Variants in RASSF10 observed in about 807,000 individuals in gnomAD.
The protein encoded by RASSF10 is ras association domain-containing protein 10.
Under a neutral mutation model 41.5 loss-of-function variants are expected in RASSF10, and 22 were observed. That is an observed-to-expected ratio of 0.53 (90% CI 0.38 to 0.76). The LOEUF is 0.76. Ranked by LOEUF, RASSF10 falls within the 30% of genes least tolerant of loss-of-function variation. The pLI is 0.00. For missense variants in RASSF10, 776 were observed against 711.8 expected, an observed-to-expected ratio of 1.09 and a Z score of -1.03; for synonymous variants, 364 against 319.0, an observed-to-expected ratio of 1.14 and a Z score of -1.50.
Position 13,010,820 on chromosome 11 carries a change from T to G in RASSF10, c.1244T>G (p.Leu415Trp). The change falls in exon 1 of 1, where the codon TTG becomes TGG. Residue 415 changes from leucine to tryptophan, a missense_variant. Leu to Trp is a moderately conservative substitution (Grantham distance 61, BLOSUM62 -2). Transcript: ENST00000529419. This position sits in a 1 kb window ranked among gnomAD's most constrained non-coding sequence, Gnocchi z 4.8. ...GACCTAGAGGCCGTCAAGTCGGACTTGGATTACAGCCAGCAGCAATGGGAC... is the reference window on the plus strand; with the variant it reads ...GACCTAGAGGCCGTCAAGTCGGACTGGGATTACAGCCAGCAGCAATGGGAC... The part of the protein sequence containing the change: ...NTDLEAVKSD[L>W]DYSQQQWDSK... The G allele has an allele frequency of 6.2e-7, 1 of 1,613,794 alleles. No homozygotes were observed. The highest frequency in any genetic ancestry group is 8.5e-7 in the Non-Finnish European group (1 of 1,179,824).
In RASSF10 at chr11:13,009,832, G is replaced by A. The variant is rs763731957; in HGVS notation, c.256G>A (p.Gly86Arg). 1.2e-6 allele frequency: 2 copies of A among 1,606,676 alleles called. No individual in the cohort carries two copies. Among genetic ancestry groups the A allele is most frequent in the Non-Finnish European group, 1.7e-6 (2 of 1,177,458 alleles). ...GGCGCTGCCGCAGGGCATGCTGTGCGGGCCCCCGCAGTGCTATTGCATCGT... is the reference window on the plus strand; with the variant it reads ...GGCGCTGCCGCAGGGCATGCTGTGCAGGCCCCCGCAGTGCTATTGCATCGT... ...DEALPQGMLCGPPQCYCIVEK... is the reference protein window; with the variant it reads ...DEALPQGMLCRPPQCYCIVEK... The change falls in exon 1 of 1, where the codon GGG (glycine) becomes AGG (arginine). Residue 86 changes from glycine (G) to arginine (R), a missense_variant. Gly to Arg is a moderately radical substitution (Grantham distance 125, BLOSUM62 -2). Transcript: ENST00000529419.
At position 13,009,367 on chromosome 11, in the gene RASSF10, G is replaced by A. The variant is rs1427128278; in HGVS notation, c.-210G>A. On this transcript the variant is annotated 5_prime_UTR_variant, in exon 1 of 1. Transcript: ENST00000529419. ...TGGGCGCGTTGCCCCGGGAGCGCCC[G>A]TCGTCCGGGCAGAGCGCAGCCGCAA... 2 of 1,206,664 alleles carry A rather than the reference G, an allele frequency of 1.7e-6. No individual in the cohort carries two copies. Among genetic ancestry groups the A allele is most frequent in the African/African-American group, 1.5e-5 (1 of 65,466 alleles). 74.7% of individuals were successfully genotyped at this position (1,206,664 alleles called of 1,614,324 possible). A position where few individuals can be genotyped will look rare whatever the true frequency, so the allele number is the denominator to read the frequency against.
In RASSF10 at chr11:13,009,857, T is replaced by G; in HGVS notation, c.281T>G (p.Val94Gly). 6.2e-7 allele frequency: 1 copy of G among 1,606,436 alleles called. No individual in the cohort carries two copies. The highest frequency in any genetic ancestry group is 8.5e-7 in the Non-Finnish European group (1 of 1,177,218). ...GGGCCCCCGCAGTGCTATTGCATCG[T>G]GGAGAAGTGGCGCGGCTTTGAGCGC... ...LCGPPQCYCI[V>G]EKWRGFERIL... is the part of the protein sequence containing the mutation. The change falls in exon 1 of 1, where the codon GTG becomes GGG. Residue 94 changes from valine (V) to glycine (G), a missense_variant. Coordinates refer to ENST00000529419, the MANE Select transcript of RASSF10 (RefSeq NM_001080521.3).
At position 13,010,692 on chromosome 11, in the gene RASSF10, C is replaced by G; in HGVS notation, c.1116C>G (p.Pro372=). ...AGGAGCTGGCGGCGCGGGAGGAGCC[C>G]CTGGAGCCCGACGGTGGCCCCGACG... is the stretch of plus-strand genomic sequence containing the variant. ...RQEELAAREE[P]LEPDGGPDGE... The change falls in exon 1 of 1, where the codon CCC becomes CCG. Residue 372 remains proline, a synonymous_variant. Transcript: ENST00000529419. The surrounding 1 kb of genome is among the most constrained non-coding windows in gnomAD (Gnocchi z 4.8). 1 of 1,591,802 alleles carries G rather than the reference C, an allele frequency of 6.3e-7. No homozygotes were observed. Among genetic ancestry groups the G allele is most frequent in the Non-Finnish European group, 8.5e-7 (1 of 1,169,974 alleles).
rs1554957025 is a variant in RASSF10, at chr11:13,009,381, G to GCGCAGCCGCAACCGCGAC, written c.-194_-177dup. The GCGCAGCCGCAACCGCGAC allele has an allele frequency of 1.2e-5, 16 of 1,307,180 alleles. No individual in the cohort carries two copies. The highest frequency in any genetic ancestry group is 1.6e-5 in the Non-Finnish European group (15 of 950,850). 81.0% of individuals were successfully genotyped at this position (1,307,180 alleles called of 1,614,324 possible). A position where few individuals can be genotyped will look rare whatever the true frequency, so the allele number is the denominator to read the frequency against. ...CGGGAGCGCCCGTCGTCCGGGCAGA[G>GCGCAGCCGCAACCGCGAC]CGCAGCCGCAACCGCGACCACAGCC... On this transcript the variant is annotated 5_prime_UTR_variant, in exon 1 of 1. Transcript: ENST00000529419.
rs759110688 is a variant in RASSF10, at chr11:13,010,863, A to G, written c.1287A>G (p.Leu429=). Residue 429 remains leucine (L), a synonymous_variant, in exon 1 of 1, where the codon CTA becomes CTG. Transcript: ENST00000529419. The surrounding 1 kb of genome is among the most constrained non-coding windows in gnomAD (Gnocchi z 4.8). ...QQQWDSKKRE[L]QGLLQTLHTL... ...AATGGGACAGCAAGAAGCGCGAGCTACAGGGCCTTCTGCAAACTTTGCACA... is the reference window on the plus strand; with the variant it reads ...AATGGGACAGCAAGAAGCGCGAGCTGCAGGGCCTTCTGCAAACTTTGCACA... 1 of 1,613,906 alleles carries G rather than the reference A, an allele frequency of 6.2e-7. No homozygotes were observed. The highest frequency in any genetic ancestry group is 8.5e-7 in the Non-Finnish European group (1 of 1,179,866).
At position 13,009,501 on chromosome 11, in the gene RASSF10, C is replaced by A. The variant is rs777458607; in HGVS notation, c.-76C>A. 28 of 1,549,844 alleles carry A rather than the reference C, an allele frequency of 1.8e-5. 1 individual carries two copies. In the South Asian group the frequency reaches 3.4e-4, roughly 19 times the overall value. The stretch of plus-strand genomic sequence containing the variant: ...CACGGGCTCCTCTCCCATCCCAGAG[C>A]TACTGGGCTGCCCTTGCTGTCCTCG... On this transcript the variant is annotated 5_prime_UTR_variant, in exon 1 of 1. Transcript: ENST00000529419.
rs369451992 is a variant in RASSF10 at position 13,010,327 on chromosome 11, C to T, written c.751C>T (p.Arg251Cys). 5.8e-6 allele frequency: 9 copies of T among 1,551,464 alleles called. No individual in the cohort carries two copies. Among genetic ancestry groups the T allele is most frequent in the Admixed American group, 2.0e-5 (1 of 51,028 alleles). Residue 251 changes from arginine (R) to cysteine (C), a missense_variant, in exon 1 of 1, where the codon CGC becomes TGC. By Grantham distance (180) the Arg-to-Cys change is radical. Transcript: ENST00000529419. This position sits in a 1 kb window ranked among gnomAD's most constrained non-coding sequence, Gnocchi z 4.8. ...QQVQRLHELD[R>C]EIDHYEAKVH... ...GGTGCAGCGGCTCCACGAGCTGGAC[C>T]GCGAGATCGATCACTACGAGGCCAA...
Position 13,010,335 on chromosome 11 carries a change from C to T in RASSF10, c.759C>T (p.Ile253=). The T allele has an allele frequency of 2.6e-6, 4 of 1,551,490 alleles. No individual in the cohort carries two copies. Among genetic ancestry groups the T allele is most frequent in the Non-Finnish European group, 3.5e-6 (4 of 1,147,066 alleles). ...GGCTCCACGAGCTGGACCGCGAGAT[C>T]GATCACTACGAGGCCAAGGTGCACC... The part of the protein sequence containing the change: ...VQRLHELDRE[I]DHYEAKVHLD... The change falls in exon 1 of 1, where the codon ATC becomes ATT. Residue 253 remains isoleucine, a synonymous_variant. Coordinates refer to ENST00000529419, the MANE Select transcript of RASSF10 (RefSeq NM_001080521.3). The surrounding 1 kb of genome is among the most constrained non-coding windows in gnomAD (Gnocchi z 4.8).
chr11:13,010,336 G>T lies in RASSF10; in HGVS notation c.760G>T (p.Asp254Tyr), dbSNP rs761925013. 3 of 1,551,476 alleles carry T rather than the reference G, an allele frequency of 1.9e-6. No individual in the cohort carries two copies. The highest frequency in any genetic ancestry group is 2.4e-5 in the South Asian group (2 of 84,058). Residue 254 changes from aspartate to tyrosine, a missense_variant, in exon 1 of 1, where the codon GAT becomes TAT. Physicochemically the swap from Asp to Tyr is radical, Grantham distance 160. Coordinates refer to ENST00000529419, the MANE Select transcript of RASSF10 (RefSeq NM_001080521.3). This position sits in a 1 kb window ranked among gnomAD's most constrained non-coding sequence, Gnocchi z 4.8. ...QRLHELDREI[D>Y]HYEAKVHLDR... is the part of the protein sequence containing the mutation. ...GCTCCACGAGCTGGACCGCGAGATC[G>T]ATCACTACGAGGCCAAGGTGCACCT...
Position 13,010,717 on chromosome 11 carries a change from G to C in RASSF10, c.1141G>C (p.Gly381Arg), listed in dbSNP as rs770253222. 7 of 1,595,426 alleles carry C rather than the reference G, an allele frequency of 4.4e-6. No individual in the cohort carries two copies. The Admixed American group carries it at 1.2e-4, about 28-fold the overall frequency. The stretch of plus-strand genomic sequence containing the variant: ...CCTGGAGCCCGACGGTGGCCCCGAC[G>C]GCGAGCTGCTGCTGGAGCAGGAACG... ...EPLEPDGGPD[G>R]ELLLEQERVR... Residue 381 changes from glycine (G) to arginine (R), a missense_variant, in exon 1 of 1, where the codon GGC becomes CGC. By Grantham distance (125) the Gly-to-Arg change is moderately radical (BLOSUM62 -2). Coordinates refer to ENST00000529419, the MANE Select transcript of RASSF10 (RefSeq NM_001080521.3). This position sits in a 1 kb window ranked among gnomAD's most constrained non-coding sequence, Gnocchi z 4.8.
rs773252010 is a variant in RASSF10 at position 13,010,678 on chromosome 11, G to A, written c.1102G>A (p.Ala368Thr). Residue 368 changes from alanine (A) to threonine (T), a missense_variant, in exon 1 of 1, where the codon GCG (alanine) becomes ACG (threonine). Ala to Thr is a moderately conservative substitution (Grantham distance 58). Transcript: ENST00000529419. This position sits in a 1 kb window ranked among gnomAD's most constrained non-coding sequence, Gnocchi z 4.8. The part of the protein sequence containing the change: ...WMRRRQEELA[A>T]REEPLEPDGG... ...GCGACGGCGCCAGGAGGAGCTGGCG[G>A]CGCGGGAGGAGCCCCTGGAGCCCGA... 1.9e-6 allele frequency: 3 copies of A among 1,590,794 alleles called. No homozygotes were observed. In the South Asian group the frequency reaches 3.4e-5, roughly 18 times the overall value.
chr11:13,009,475 G>T lies in RASSF10; in HGVS notation c.-102G>T, dbSNP rs750476230. On this transcript the variant is annotated 5_prime_UTR_variant, in exon 1 of 1. Coordinates refer to ENST00000529419, the MANE Select transcript of RASSF10 (RefSeq NM_001080521.3). ...GGGCTAGTGCAGCCGCCGGAGGGGGGCACGGGCTCCTCTCCCATCCCAGAG... is the reference window on the plus strand; with the variant it reads ...GGGCTAGTGCAGCCGCCGGAGGGGGTCACGGGCTCCTCTCCCATCCCAGAG... The T allele has an allele frequency of 6.6e-7, 1 of 1,516,186 alleles. No individual in the cohort carries two copies. The highest frequency in any genetic ancestry group is 8.8e-7 in the Non-Finnish European group (1 of 1,135,274). 93.9% of individuals were successfully genotyped at this position (1,516,186 alleles called of 1,614,324 possible). A position where few individuals can be genotyped will look rare whatever the true frequency, so the allele number is the denominator to read the frequency against.
In RASSF10 at chr11:13,010,022, T is replaced by G; in HGVS notation, c.446T>G (p.Leu149Arg). Residue 149 changes from leucine to arginine, a missense_variant, in exon 1 of 1, where the codon CTG becomes CGG. Physicochemically the swap from Leu to Arg is moderately radical, Grantham distance 102. Coordinates refer to ENST00000529419, the MANE Select transcript of RASSF10 (RefSeq NM_001080521.3). This position sits in a 1 kb window ranked among gnomAD's most constrained non-coding sequence, Gnocchi z 4.8. Reference sequence around the variant, plus strand: ...CGCAGCGCCGAGGCGCGCGTAGTGCTGAGCCGAGAGCGCCCCTGTCCGGCC... The same window carrying G: ...CGCAGCGCCGAGGCGCGCGTAGTGCGGAGCCGAGAGCGCCCCTGTCCGGCC... ...GPRSAEARVV[L>R]SRERPCPARG... 2 of 1,545,200 alleles carry G rather than the reference T, an allele frequency of 1.3e-6. No individual in the cohort carries two copies. The highest frequency in any genetic ancestry group is 1.7e-6 in the Non-Finnish European group (2 of 1,144,056).
At position 13,010,386 on chromosome 11, in the gene RASSF10, C is replaced by T. The variant is rs1445933098; in HGVS notation, c.810C>T (p.Val270=). ...TGGACCGCATGCGGCGTCACGGGGTCAACTACGTGCAGGACACTTACTTGG... is the reference window on the plus strand; with the variant it reads ...TGGACCGCATGCGGCGTCACGGGGTTAACTACGTGCAGGACACTTACTTGG... ...VHLDRMRRHG[V]NYVQDTYLVG... Residue 270 remains valine (V), a synonymous_variant, in exon 1 of 1, where the codon GTC becomes GTT. Coordinates refer to ENST00000529419, the MANE Select transcript of RASSF10 (RefSeq NM_001080521.3). The surrounding 1 kb of genome is among the most constrained non-coding windows in gnomAD (Gnocchi z 4.8). 6.4e-7 allele frequency: 1 copy of T among 1,551,180 alleles called. No individual in the cohort carries two copies. The highest frequency in any genetic ancestry group is 8.7e-7 in the Non-Finnish European group (1 of 1,146,852).
In RASSF10 at chr11:13,010,902, G is replaced by A. The variant is rs757683486; in HGVS notation, c.1326G>A (p.Thr442=). Residue 442 remains threonine, a synonymous_variant, in exon 1 of 1, where the codon ACG becomes ACA. Coordinates refer to ENST00000529419, the MANE Select transcript of RASSF10 (RefSeq NM_001080521.3). This position sits in a 1 kb window ranked among gnomAD's most constrained non-coding sequence, Gnocchi z 4.8. ...AAACTTTGCACACTTTGGAGCTGAC[G>A]GTGGCACCGGATGGGGCTCCTGGCT... ...LLQTLHTLEL[T]VAPDGAPGSG... 22 of 1,613,922 alleles carry A rather than the reference G, an allele frequency of 1.4e-5. No homozygotes were observed. In the South Asian group the frequency reaches 2.4e-4, roughly 18 times the overall value.
chr11:13,010,445 C>T lies in RASSF10; in HGVS notation c.869C>T (p.Pro290Leu), dbSNP rs201986043. ...GAGIELDGSR[P>L]GEEPEEVAAE... ...GGCATCGAGCTCGACGGGTCCAGAC[C>T]GGGAGAGGAGCCAGAAGAGGTGGCG... The change falls in exon 1 of 1, where the codon CCG becomes CTG. Residue 290 changes from proline (P) to leucine (L), a missense_variant. Pro to Leu is a moderately conservative substitution (Grantham distance 98, BLOSUM62 -3). Transcript: ENST00000529419. The surrounding 1 kb of genome is among the most constrained non-coding windows in gnomAD (Gnocchi z 4.8). 1.9e-6 allele frequency: 3 copies of T among 1,540,282 alleles called. No homozygotes were observed. The African/African-American group carries it at 4.1e-5, about 21-fold the overall frequency.
Position 13,009,677 on chromosome 11 carries a change from T to G in RASSF10, c.101T>G (p.Val34Gly), listed in dbSNP as rs1424958633. The G allele has an allele frequency of 6.2e-7, 1 of 1,603,222 alleles. No individual in the cohort carries two copies. Among genetic ancestry groups the G allele is most frequent in the Admixed American group, 1.7e-5 (1 of 58,536 alleles). ...ACCACTTGCTCCGACGTTGTGCGAG[T>G]GCTTTTGGAGGACGGCTGCCGGCGG... ...RRTTCSDVVRVLLEDGCRRRR... is the reference protein window; with the variant it reads ...RRTTCSDVVRGLLEDGCRRRR... The change falls in exon 1 of 1, where the codon GTG (valine) becomes GGG (glycine). Residue 34 changes from valine (V) to glycine (G), a missense_variant. Val to Gly is a moderately radical substitution (Grantham distance 109). Transcript: ENST00000529419.
chr11:13,010,015 G>T lies in RASSF10; in HGVS notation c.439G>T (p.Val147Leu). 5 of 1,543,760 alleles carry T rather than the reference G, an allele frequency of 3.2e-6. No homozygotes were observed. Among genetic ancestry groups the T allele is most frequent in the Non-Finnish European group, 4.4e-6 (5 of 1,143,062 alleles). Reference protein sequence around the residue: ...NAGPRSAEARVVLSRERPCPA... With the variant: ...NAGPRSAEARLVLSRERPCPA... ...CGGCCCCCGCAGCGCCGAGGCGCGC[G>T]TAGTGCTGAGCCGAGAGCGCCCCTG... is the stretch of plus-strand genomic sequence containing the variant. Residue 147 changes from valine (V) to leucine (L), a missense_variant, in exon 1 of 1, where the codon GTA becomes TTA. Physicochemically the swap from Val to Leu is conservative, Grantham distance 32 (BLOSUM62 1). Transcript: ENST00000529419. This position sits in a 1 kb window ranked among gnomAD's most constrained non-coding sequence, Gnocchi z 4.8.
Sources: allele counts gnomAD v4.1 joint callset, GRCh38; gene constraint gnomAD v4.1.1; non-coding constraint Gnocchi (gnomAD v3.1); transcripts MANE v1.5; gene names NCBI Gene and HGNC (gene_info 2026-07-23, HGNC 2026-07-21).